SORCS2: variants seen among roughly 807,000 people sequenced by gnomAD.
SORCS2 encodes VPS10 domain-containing receptor SorCS2.
A neutral mutation model predicts 141.6 loss-of-function variants in SORCS2; 100 were observed. The ratio of observed to expected loss-of-function variants is 0.71; its 90% CI spans 0.60 to 0.83. The LOEUF (loss-of-function observed/expected upper bound fraction) is 0.83. Ranked by LOEUF, SORCS2 falls within the 40% of genes least tolerant of loss-of-function variation. SORCS2 has a pLI of 0.00. For synonymous variants in SORCS2, 789 were observed against 676.9 expected (o/e 1.17, Z -2.57); for missense variants, 1,646 against 1,560.2 (o/e 1.05, Z -0.93).
chr4:7,698,542 C>T (rs115481466), intron 12 of SORCS2, among the ~76,000 whole-genome samples: 1 of 152,338 alleles, frequency 6.6e-6, no homozygotes, highest in Non-Finnish European at 1.5e-5. Context: ...AGAGAAGATT[C>T]CCCCGTATTA....
chr4:7,224,327 A>G (rs1299747427), intron 1 of SORCS2, among the ~76,000 whole-genome samples: 1 of 152,210 alleles, frequency 6.6e-6, no homozygotes, highest in African/African-American at 2.4e-5. Context: ...CCATTAAGGC[A>G]CCAAACAGGG....
intron 2 of SORCS2, among the ~76,000 whole-genome samples, chr4:7,485,186 G>A (rs1316661487): frequency 6.6e-6 from 1 of 152,220 alleles, no homozygotes; most frequent in East Asian, 1.9e-4. Flanking sequence ...GCCCTCCTGG[G>A]GCTCCTGCAG....
At chr4:7,661,589 C>T (rs894954109) in intron 6 of SORCS2, 25 bp downstream of exon 6, 36 of 1,550,084 alleles carry the variant, frequency 2.3e-5, no homozygotes, top group Middle Eastern at 1.7e-4. Flanking sequence ...GCACAGGCAC[C>T]GGGTATCCCT....
rs1321872764 is a variant in SORCS2 at position 7,638,346 on chromosome 4, T to G, written c.667T>G (p.Ser223Ala). 2.0e-6 allele frequency: 3 copies of G among 1,513,738 alleles called. No homozygotes were observed. In the African/African-American group the frequency reaches 4.3e-5, roughly 22 times the overall value. 93.8% of individuals were successfully genotyped at this position (1,513,738 alleles called of 1,614,324 possible). The change falls in exon 4 of 27, where the codon TCA (serine) becomes GCA (alanine). Residue 223 changes from serine to alanine, a missense_variant. Ser to Ala is a moderately conservative substitution (Grantham distance 99, BLOSUM62 1). Coordinates refer to ENST00000507866, the MANE Select transcript of SORCS2 (RefSeq NM_020777.3). Reference sequence around the variant, plus strand: ...GTTTCAGGTCATCCTTGTCAGCTCCTCACTCAGTGACCGGGACCAGAGCCT... The same window carrying G: ...GTTTCAGGTCATCCTTGTCAGCTCCGCACTCAGTGACCGGGACCAGAGCCT... ...NKRKVILVSS[S>A]LSDRDQSLFL... is the part of the protein sequence containing the mutation.
intron 1 of SORCS2, among the ~76,000 whole-genome samples, chr4:7,265,526 G>C (rs528880238): frequency 3.8e-4 from 58 of 152,150 alleles, no homozygotes; most frequent in African/African-American, 1.3e-3. Context: ...GGCAGGGCTC[G>C]TTCCCCATGA....
chr4:7,606,299 G>A (rs192538512), intron 3 of SORCS2, among the ~76,000 whole-genome samples: 40 of 152,212 alleles, frequency 2.6e-4, no homozygotes, highest in East Asian at 5.8e-4. Flanking sequence ...TGTTTTTAGC[G>A]ATGGAGAATA....
At chr4:7,547,543 G>C (rs879727403) in intron 3 of SORCS2, among the ~76,000 whole-genome samples, 1 of 152,196 alleles carries the variant, frequency 6.6e-6, no homozygotes. Flanking sequence ...TCCAGACTGG[G>C]GCCTTGGCCC....
chr4:7,514,368 C>T (rs1281819706), intron 2 of SORCS2, among the ~76,000 whole-genome samples: 2 of 152,236 alleles, frequency 1.3e-5, no homozygotes, highest in Non-Finnish European at 1.5e-5. Flanking sequence ...GCTGCTGCTT[C>T]CTGGGGTGTG....
chr4:7,471,820 G>A (rs745485726), intron 2 of SORCS2, among the ~76,000 whole-genome samples: 4 of 152,234 alleles, frequency 2.6e-5, no homozygotes, highest in African/African-American at 7.2e-5. Flanking sequence ...CCTTCAGGAC[G>A]CCCAGGCGGA....
At chr4:7,637,880 C>T (rs1453321304) in intron 3 of SORCS2, among the ~76,000 whole-genome samples, 1 of 151,800 alleles carries the variant, frequency 6.6e-6, no homozygotes, top group Non-Finnish European at 1.5e-5. Context: ...CTATGATTTG[C>T]ATTGAGCCGG....
rs375953246 is a variant in SORCS2, at chr4:7,664,831, G to A, written c.1071+360G>A. ...TCCCGGCTCTTGGCCACCAGGCACCGGCTATCCACAGCCCTGTGACCAGGA... is the reference window on the plus strand; with the variant it reads ...TCCCGGCTCTTGGCCACCAGGCACCAGCTATCCACAGCCCTGTGACCAGGA... On this transcript the variant is annotated intron_variant, in intron 7 of 26. Transcript: ENST00000507866. This position sits in a 1 kb window ranked among gnomAD's most constrained non-coding sequence, Gnocchi z 4.7. Among the ~76,000 whole-genome samples the A allele has an allele frequency of 6.6e-6, 1 of 152,192 alleles. No individual in the cohort carries two copies. Among genetic ancestry groups the A allele is most frequent in the Admixed American group, 6.5e-5 (1 of 15,282 alleles).
At chr4:7,650,142 C>T (rs1302683502) in intron 4 of SORCS2, among the ~76,000 whole-genome samples, 1 of 152,220 alleles carries the variant, frequency 6.6e-6, no homozygotes, top group African/African-American at 2.4e-5. Context: ...GAAGTGCATT[C>T]AAACCACAGA....
At chr4:7,422,943 C>T (rs536571271) in intron 2 of SORCS2, among the ~76,000 whole-genome samples, 5 of 152,262 alleles carry the variant, frequency 3.3e-5, no homozygotes, top group East Asian at 3.9e-4. Flanking sequence ...TCTCCATGGC[C>T]AGATCTCTAA....
rs182593412 is a variant in SORCS2 at position 7,664,993 on chromosome 4, C to T, written c.1071+522C>T. Among the ~76,000 whole-genome samples the T allele has an allele frequency of 2.8e-4, 42 of 152,338 alleles. No individual in the cohort carries two copies. Among genetic ancestry groups the T allele is most frequent in the Admixed American group, 5.2e-4 (8 of 15,296 alleles). On this transcript the variant is annotated intron_variant, in intron 7 of 26. Coordinates refer to ENST00000507866, the MANE Select transcript of SORCS2 (RefSeq NM_020777.3). This position sits in a 1 kb window ranked among gnomAD's most constrained non-coding sequence, Gnocchi z 4.7. ...TTCATGGATGGGGAGCTCAGCCCTC[C>T]CGAAACAGCCTAGCCCTCTGCTGAG...
intron 1 of SORCS2, among the ~76,000 whole-genome samples, chr4:7,202,247 G>T (rs184962683): frequency 9.8e-4 from 149 of 152,204 alleles, no homozygotes; most frequent in African/African-American, 3.1e-3. Context: ...CTCATGACTC[G>T]GGACCGCTTC....
At chr4:7,608,844 G>A (rs1392172255) in intron 3 of SORCS2, among the ~76,000 whole-genome samples, 4 of 152,114 alleles carry the variant, frequency 2.6e-5, no homozygotes, top group Admixed American at 6.5e-5. Context: ...GCTTGGGGCC[G>A]GGCAGGATTT....
intron 2 of SORCS2, among the ~76,000 whole-genome samples, chr4:7,413,977 G>T (rs1202811353): frequency 6.6e-6 from 1 of 152,152 alleles, no homozygotes; most frequent in Non-Finnish European, 1.5e-5. Context: ...GGCTGTTGCT[G>T]ATGTTACTGG....
At chr4:7,370,295 G>A (rs1025182525) in intron 1 of SORCS2, among the ~76,000 whole-genome samples, 2 of 152,212 alleles carry the variant, frequency 1.3e-5, no homozygotes, top group African/African-American at 4.8e-5. Flanking sequence ...CTTTCCTTCT[G>A]TTTGGTTGTC....
At chr4:7,216,583 C>G (rs1231840751) in intron 1 of SORCS2, among the ~76,000 whole-genome samples, 1 of 152,132 alleles carries the variant, frequency 6.6e-6, no homozygotes, top group East Asian at 1.9e-4. Flanking sequence ...TTTTCAACAT[C>G]CAGAGGTGCC....
Sources: allele counts gnomAD v4.1 joint callset (sites outside exome capture counted in the v4.1 genomes callset), GRCh38; gene constraint gnomAD v4.1.1; non-coding constraint Gnocchi (gnomAD v3.1); transcripts MANE v1.5; gene names NCBI Gene and HGNC (gene_info 2026-07-23, HGNC 2026-07-21).